Variants in LRRIQ4 observed in about 807,000 individuals in gnomAD.
LRRIQ4 encodes leucine rich repeats and IQ motif containing 4.
Under a neutral mutation model 40.1 loss-of-function variants are expected in LRRIQ4, and 21 were observed. The observed-to-expected ratio is 0.52, with a 90% CI of 0.37 to 0.75. LRRIQ4 has a LOEUF of 0.75. Among genes scored for constraint, LRRIQ4 ranks in the 30% least tolerant of loss-of-function variants. The pLI is 0.00. For synonymous variants in LRRIQ4, 277 were observed against 277.1 expected (o/e 1.00, Z 0.00); for missense variants, 655 against 660.0 (o/e 0.99, Z 0.08).
At chr3:169,825,720 CA>C (rs1367918938) in intron 2 of LRRIQ4, among the ~76,000 whole-genome samples, 1 of 152,158 alleles carries the variant, frequency 6.6e-6, no homozygotes, top group African/African-American at 2.4e-5. Flanking sequence ...AAGCTTCATC[CA>C]ATACCAAGTT....
chr3:169,837,353 T>C, intron 5 of LRRIQ4, 126 bp from the exon 6 acceptor site: 2 of 1,057,870 alleles, frequency 1.9e-6, no homozygotes, highest in Non-Finnish European at 2.6e-6. Context: ...AAATAAAATT[T>C]AGAGTTCTAA....
intron 2 of LRRIQ4, among the ~76,000 whole-genome samples, chr3:169,825,345 T>C (rs905798180): frequency 6.6e-6 from 1 of 152,182 alleles, no homozygotes; most frequent in South Asian, 2.1e-4. Context: ...TTTCTAGAAC[T>C]TTTTTCCCCA....
At chr3:169,837,280 A>G (rs1334771736) in intron 5 of LRRIQ4, among the ~76,000 whole-genome samples, 199 bp from the exon 6 acceptor site, 2 of 152,244 alleles carry the variant, frequency 1.3e-5, no homozygotes, top group African/African-American at 2.4e-5. Flanking sequence ...ACTGGCACAT[A>G]AAAACAATAA....
rs1212562827 is a variant in LRRIQ4, at chr3:169,837,731, T to C, written c.*100T>C. ...ACTACATTAAAATTATTCATAAAAT[T>C]ACACTTATGTGTAAAAATAAATGAT... On this transcript the variant is annotated 3_prime_UTR_variant, in exon 6 of 6. Transcript: ENST00000340806. 3 of 897,742 alleles carry C rather than the reference T, an allele frequency of 3.3e-6. No homozygotes were observed. Among genetic ancestry groups the C allele is most frequent in the Admixed American group, 3.5e-5 (1 of 28,610 alleles). 55.6% of individuals were successfully genotyped at this position (897,742 alleles called of 1,614,324 possible). A position where few individuals can be genotyped will look rare whatever the true frequency, so the allele number is the denominator to read the frequency against.
Position 169,833,156 on chromosome 3 carries a change from CAG to C in LRRIQ4, c.1505_1506del (p.Arg502LysfsTer27), listed in dbSNP as rs1780224433. ...EAIWKYLKEN[R>X]NRNIMATKIQ... The stretch of plus-strand genomic sequence containing the variant: ...CCATATGGAAATACCTCAAGGAAAA[CAG>C]AAACAGGAATATAATGGCAACAAAG... On this transcript the variant is annotated frameshift_variant, in exon 5 of 6. Coordinates refer to ENST00000340806, the MANE Select transcript of LRRIQ4 (RefSeq NM_001080460.3). LOFTEE classifies it low-confidence loss of function (END_TRUNC). 7.4e-6 allele frequency: 12 copies of C among 1,612,974 alleles called. No individual in the cohort carries two copies. The African/African-American group carries it at 1.1e-4, about 14-fold the overall frequency.
Position 169,828,799 on chromosome 3 carries a change from T to C in LRRIQ4, c.1061T>C (p.Leu354Pro), listed in dbSNP as rs1303187107. The change falls in exon 3 of 6, where the codon CTT becomes CCT. Residue 354 changes from leucine (L) to proline (P), a missense_variant. Leu to Pro is a moderately conservative substitution (Grantham distance 98, BLOSUM62 -3). Transcript: ENST00000340806. Reference sequence around the variant, plus strand: ...GGCTCACTTTCAAAACTGAAGATACTTGGACTAACAGGAAATGAGTTCCTT... The same window carrying C: ...GGCTCACTTTCAAAACTGAAGATACCTGGACTAACAGGAAATGAGTTCCTT... ...ELGSLSKLKILGLTGNEFLSF... is the reference protein window; with the variant it reads ...ELGSLSKLKIPGLTGNEFLSF... The C allele has an allele frequency of 6.2e-7, 1 of 1,613,630 alleles. No individual in the cohort carries two copies.
At chr3:169,818,516 G>A (rs1779810460) in intron 1 of LRRIQ4, among the ~76,000 whole-genome samples, 1 of 152,112 alleles carries the variant, frequency 6.6e-6, no homozygotes, top group Non-Finnish European at 1.5e-5. Flanking sequence ...ATGACTCCCT[G>A]TTGAAGAATT....
chr3:169,824,150 T>C (rs1779985009), intron 2 of LRRIQ4, among the ~76,000 whole-genome samples: 1 of 151,960 alleles, frequency 6.6e-6, no homozygotes, highest in South Asian at 2.1e-4. Context: ...ATAATGAAAA[T>C]ATAAAATATT....
In LRRIQ4 at chr3:169,822,072, G is replaced by C; in HGVS notation, c.151G>C (p.Glu51Gln). Residue 51 changes from glutamate (E) to glutamine (Q), a missense_variant, in exon 2 of 6, where the codon GAA (glutamate) becomes CAA (glutamine). Coordinates refer to ENST00000340806, the MANE Select transcript of LRRIQ4 (RefSeq NM_001080460.3). ...PLEIFTFTEL[E>Q]EVHLENNQIE... ...GGAGATCTTCACATTCACAGAATTA[G>C]AAGAAGTGCATTTGGAGAATAACCA... 6.2e-7 allele frequency: 1 copy of C among 1,606,464 alleles called. No homozygotes were observed. Among genetic ancestry groups the C allele is most frequent in the Non-Finnish European group, 8.5e-7 (1 of 1,178,072 alleles).
chr3:169,828,984 A>T, intron 3 of LRRIQ4, 52 bp downstream of exon 3: 1 of 1,515,628 alleles, frequency 6.6e-7, no homozygotes, highest in Middle Eastern at 1.8e-4. Flanking sequence ...TGCCTCTTAA[A>T]TTGGCTGAAA....
At chr3:169,829,852 G>A (rs1576768114) in intron 3 of LRRIQ4, among the ~76,000 whole-genome samples, 1 of 152,304 alleles carries the variant, frequency 6.6e-6, no homozygotes, top group African/African-American at 2.4e-5. Flanking sequence ...CATAACCCCA[G>A]TCATGCAATG....
intron 5 of LRRIQ4, 81 bp from the exon 6 acceptor site, chr3:169,837,398 G>T (rs1418923809): frequency 8.4e-6 from 12 of 1,420,546 alleles, no homozygotes; most frequent in Non-Finnish European, 5.7e-6. Flanking sequence ...TCAAGACCAT[G>T]TATCAGAATA....
intron 3 of LRRIQ4, 29 bp from the exon 4 acceptor site, chr3:169,830,463 A>ATTAT: frequency 7.1e-7 from 1 of 1,406,256 alleles, no homozygotes; most frequent in Non-Finnish European, 9.6e-7. Flanking sequence ...ATCAAGGTAT[A>ATTAT]TTATTATGGT....
Position 169,822,115 on chromosome 3 carries a change from A to G in LRRIQ4, c.194A>G (p.Gln65Arg). ...AATAACCAGATTGAAGAAATTCCCC[A>G]GGAGATTCAGCGTTTAAAGAACATC... Reference protein sequence around the residue: ...LENNQIEEIPQEIQRLKNIRV... With the variant: ...LENNQIEEIPREIQRLKNIRV... The change falls in exon 2 of 6, where the codon CAG becomes CGG. Residue 65 changes from glutamine to arginine, a missense_variant. Coordinates refer to ENST00000340806, the MANE Select transcript of LRRIQ4 (RefSeq NM_001080460.3). The G allele has an allele frequency of 1.2e-6, 2 of 1,612,126 alleles. No homozygotes were observed. Among genetic ancestry groups the G allele is most frequent in the Non-Finnish European group, 1.7e-6 (2 of 1,179,478 alleles).
intron 5 of LRRIQ4, among the ~76,000 whole-genome samples, chr3:169,834,734 A>G (rs1393179119): frequency 6.6e-6 from 1 of 152,134 alleles, no homozygotes; most frequent in African/African-American, 2.4e-5. Context: ...CTTCCATTCT[A>G]CTTTCCCCTC....
chr3:169,832,425 G>A (rs910454577), intron 4 of LRRIQ4, among the ~76,000 whole-genome samples: 11 of 149,878 alleles, frequency 7.3e-5, no homozygotes, highest in African/African-American at 1.5e-4. Context: ...CCGAGATGGC[G>A]CCACTGCACT....
chr3:169,822,050 G>T lies in LRRIQ4; in HGVS notation c.129G>T (p.Glu43Asp), dbSNP rs1779903844. The T allele has an allele frequency of 2.5e-6, 4 of 1,605,166 alleles. 1 individual carries two copies. The South Asian group carries it at 4.5e-5, about 18-fold the overall frequency. ...AGAGCTTGACTGCCATTCCTTTGGAGATCTTCACATTCACAGAATTAGAAG... is the reference window on the plus strand; with the variant it reads ...AGAGCTTGACTGCCATTCCTTTGGATATCTTCACATTCACAGAATTAGAAG... ...SNQSLTAIPL[E>D]IFTFTELEEV... The change falls in exon 2 of 6, where the codon GAG becomes GAT. Residue 43 changes from glutamate to aspartate, a missense_variant. Transcript: ENST00000340806.
intron 2 of LRRIQ4, 113 bp from the exon 3 acceptor site, chr3:169,828,646 G>T (rs1780094855): frequency 2.4e-6 from 2 of 848,792 alleles, no homozygotes; most frequent in Non-Finnish European, 3.7e-6. Flanking sequence ...ACTAGTAGGA[G>T]AGGCTAAGTT....
At chr3:169,824,406 A>G (rs1251971276) in intron 2 of LRRIQ4, among the ~76,000 whole-genome samples, 1 of 152,102 alleles carries the variant, frequency 6.6e-6, no homozygotes, top group East Asian at 1.9e-4. Context: ...TAATTGCAGT[A>G]TTTCATTTTG....
Sources: allele counts gnomAD v4.1 joint callset (sites outside exome capture counted in the v4.1 genomes callset), GRCh38; gene constraint gnomAD v4.1.1; transcripts MANE v1.5; gene names NCBI Gene and HGNC (gene_info 2026-07-23, HGNC 2026-07-21).